ZFAND3: variants seen among roughly 807,000 people sequenced by gnomAD.
ZFAND3 encodes the protein zinc finger AN1-type containing 3.
In ZFAND3, 10 loss-of-function variants were observed where a neutral mutation model predicts 29.6. The ratio of observed to expected loss-of-function variants is 0.34; its 90% CI spans 0.21 to 0.57. The LOEUF is 0.57. Among genes scored for constraint, ZFAND3 ranks in the 20% least tolerant of loss-of-function variants. The probability of loss-of-function intolerance (pLI) is 0.86; values close to 1 mark genes in which losing one functional copy is unlikely to be tolerated. For missense variants in ZFAND3, 230 were observed against 304.5 expected, an observed-to-expected ratio of 0.76 and a Z score of 1.82; for synonymous variants, 128 against 112.6, an observed-to-expected ratio of 1.14 and a Z score of -0.87.
At position 38,041,798 on chromosome 6, in the gene ZFAND3, T is replaced by C. The variant is rs1581864005; in HGVS notation, c.113-19795T>C. ...TCCTCCTCCTCTTCTTTCTTCTTCT[T>C]CTCCTCTTCTTTCTTCTTCTTCTCC... On this transcript the variant is annotated intron_variant, in intron 2 of 5. Coordinates refer to ENST00000287218, the MANE Select transcript of ZFAND3 (RefSeq NM_021943.3). Among the ~76,000 whole-genome samples the C allele has an allele frequency of 1.2e-3, 2 of 1,732 alleles. 1 individual carries two copies. The allele number at this position is 1,732 out of a possible 152,430, so 1.1% of individuals were successfully genotyped here.
chr6:38,001,938 T>C (rs1016593054), intron 2 of ZFAND3, among the ~76,000 whole-genome samples: 11 of 152,188 alleles, frequency 7.2e-5, no homozygotes, highest in East Asian at 1.9e-4. Flanking sequence ...AATATTGATA[T>C]ATTAGGTGAA....
At chr6:38,116,478 A>AGCCT in intron 4 of ZFAND3, 94 bp from the exon 5 acceptor site, 2 of 1,424,734 alleles carry the variant, frequency 1.4e-6, no homozygotes, top group Non-Finnish European at 1.9e-6. Context: ...CAAGGGCAGT[A>AGCCT]GCCTGGTCAG....
rs370132364 is a variant in ZFAND3, at chr6:37,893,683, A to G, written c.72-36276A>G. ...ATTCTCCTGCCTCAGCCTCCTGAGT[A>G]GCTGGGATTACAGGCGCATGCCACA... On this transcript the variant is annotated intron_variant, in intron 1 of 5. Transcript: ENST00000287218. Among the ~76,000 whole-genome samples the G allele has an allele frequency of 8.5e-5, 13 of 152,166 alleles. No homozygotes were observed. The East Asian group carries it at 2.5e-3, about 29-fold the overall frequency.
chr6:37,994,487 A>AC (rs1242217635), intron 2 of ZFAND3, among the ~76,000 whole-genome samples: 3 of 151,798 alleles, frequency 2.0e-5, no homozygotes, highest in South Asian at 2.1e-4. Context: ...GCCTGCCAAC[A>AC]CCCCCCTCAT....
Position 37,983,343 on chromosome 6 carries a change from C to CTTT in ZFAND3, c.112+53372_112+53374dup, listed in dbSNP as rs70981516. ...CCTATACAGGTGTACCAGTTTTTAT[C>CTTT]TTTTTTTTTTTTTTTTTTTTTTTTT... On this transcript the variant is annotated intron_variant, in intron 2 of 5. Transcript: ENST00000287218. Among the ~76,000 whole-genome samples, 144 of 50,050 alleles carry CTTT rather than the reference C, an allele frequency of 2.9e-3. 3 individuals are homozygous for CTTT. Among genetic ancestry groups the CTTT allele is most frequent in the African/African-American group, 7.8e-3 (96 of 12,362 alleles). The allele number at this position is 50,050 out of a possible 152,430, so 32.8% of individuals were successfully genotyped here. A position where few individuals can be genotyped will look rare whatever the true frequency, so the allele number is the denominator to read the frequency against.
chr6:37,873,179 GA>G (rs1186491326), intron 1 of ZFAND3, among the ~76,000 whole-genome samples: 4 of 152,226 alleles, frequency 2.6e-5, no homozygotes, highest in African/African-American at 4.8e-5. Flanking sequence ...GCTGAGGCAG[GA>G]GAATGGTGTG....
At chr6:37,880,457 C>T (rs6915506) in intron 1 of ZFAND3, among the ~76,000 whole-genome samples, 96,407 of 151,948 alleles carry the variant, frequency 0.63, 31,349 homozygotes, top group African/African-American at 0.76. Context: ...AATCTTTCAC[C>T]AGAGATGTCC....
chr6:37,867,445 T>G (rs1764609940), intron 1 of ZFAND3, among the ~76,000 whole-genome samples: 2 of 152,138 alleles, frequency 1.3e-5, no homozygotes, highest in Admixed American at 1.3e-4. Context: ...AATTACCAAT[T>G]TTTCTGCTGC....
intron 1 of ZFAND3, among the ~76,000 whole-genome samples, chr6:37,825,484 A>G (rs1401006759): frequency 6.6e-6 from 1 of 151,974 alleles, no homozygotes. Flanking sequence ...AAAATAGGAA[A>G]CTCGTCCCTT....
At chr6:37,986,136 T>C (rs1248861993) in intron 2 of ZFAND3, among the ~76,000 whole-genome samples, 1 of 152,116 alleles carries the variant, frequency 6.6e-6, no homozygotes, top group Non-Finnish European at 1.5e-5. Context: ...TGGGTTCTCT[T>C]TACAAAATAT....
At chr6:38,027,287 T>G (rs1014225348) in intron 2 of ZFAND3, among the ~76,000 whole-genome samples, 1 of 152,262 alleles carries the variant, frequency 6.6e-6, no homozygotes, top group Non-Finnish European at 1.5e-5. Context: ...TTTAAATGCC[T>G]TATTGTCAAC....
intron 4 of ZFAND3, among the ~76,000 whole-genome samples, chr6:38,104,095 A>G (rs1765161503): frequency 6.6e-6 from 1 of 152,210 alleles, no homozygotes; most frequent in Admixed American, 6.5e-5. Flanking sequence ...ATCAGCCACA[A>G]AGGATGACTG....
intron 3 of ZFAND3, among the ~76,000 whole-genome samples, chr6:38,069,045 A>T (rs1764402711): frequency 6.6e-6 from 1 of 152,162 alleles, no homozygotes; most frequent in African/African-American, 2.4e-5. Flanking sequence ...ACATATCTTC[A>T]TTTCTGTCTG....
intron 3 of ZFAND3, among the ~76,000 whole-genome samples, chr6:38,067,668 CA>C (rs1764373386): frequency 6.6e-6 from 1 of 152,108 alleles, no homozygotes; most frequent in Admixed American, 6.5e-5. Context: ...TTTTTTGACC[CA>C]ACTTTTGCAG....
intron 1 of ZFAND3, among the ~76,000 whole-genome samples, chr6:37,822,885 A>T (rs866697392): frequency 6.6e-6 from 1 of 152,074 alleles, no homozygotes; most frequent in Admixed American, 6.5e-5. Context: ...TCTAGAGATA[A>T]GGGGGTCTGT....
At chr6:38,080,359 G>T (rs957048945) in intron 3 of ZFAND3, among the ~76,000 whole-genome samples, 4 of 151,620 alleles carry the variant, frequency 2.6e-5, no homozygotes, top group African/African-American at 9.7e-5. Context: ...TAAATAGTTC[G>T]CAGTAGTCAC....
intron 4 of ZFAND3, among the ~76,000 whole-genome samples, chr6:38,083,749 G>C (rs777061750): frequency 2.0e-5 from 3 of 152,102 alleles, no homozygotes; most frequent in Non-Finnish European, 2.9e-5. Flanking sequence ...CATCCTGAGA[G>C]GTTTGGGAAG....
chr6:38,076,267 C>A (rs1277733120), intron 3 of ZFAND3, among the ~76,000 whole-genome samples: 1 of 152,050 alleles, frequency 6.6e-6, no homozygotes, highest in African/African-American at 2.4e-5. Flanking sequence ...CATGCTGTTG[C>A]ACACTTAATA....
At chr6:37,855,776 T>C (rs1764370704) in intron 1 of ZFAND3, among the ~76,000 whole-genome samples, 1 of 152,218 alleles carries the variant, frequency 6.6e-6, no homozygotes, top group African/African-American at 2.4e-5. Context: ...GTACTTTGCA[T>C]ATACACAGTG....
Sources: gnomAD v4.1 joint callset for allele counts (sites outside exome capture counted in the v4.1 genomes callset) on GRCh38, gnomAD v4.1.1 for gene constraint, MANE v1.5 for transcripts, NCBI Gene and HGNC (gene_info 2026-07-23, HGNC 2026-07-21) for gene names.